Variants in ICA1 observed in about 807,000 individuals in gnomAD.
ICA1 encodes the protein 69 kDa islet cell autoantigen.
Under a neutral mutation model 71.0 loss-of-function variants are expected in ICA1, and 40 were observed. The observed-to-expected ratio is 0.56, with a 90% CI of 0.44 to 0.73. The LOEUF is 0.73. Ranked by LOEUF, ICA1 falls within the 30% of genes least tolerant of loss-of-function variation. ICA1 has a pLI of 0.00. For missense variants in ICA1, 578 were observed against 576.5 expected, an observed-to-expected ratio of 1.00 and a Z score of -0.03; for synonymous variants, 207 against 209.5, an observed-to-expected ratio of 0.99 and a Z score of 0.10.
At chr7:8,197,251 A>G (rs1478931885) in intron 6 of ICA1, among the ~76,000 whole-genome samples, 1 of 151,858 alleles carries the variant, frequency 6.6e-6, no homozygotes, top group Non-Finnish European at 1.5e-5. Context: ...ACCATTTGCC[A>G]ACCACATTAA....
Position 8,117,369 on chromosome 7 carries a change from G to C in ICA1, c.1331-3325C>G, listed in dbSNP as rs960947329. 1.1e-4 allele frequency among the ~76,000 whole-genome samples: 16 copies of C among 152,142 alleles called. No individual in the cohort carries two copies. The East Asian group carries it at 2.9e-3, about 27-fold the overall frequency. On this transcript the variant is annotated intron_variant, in intron 13 of 13. Coordinates refer to ENST00000402384, the MANE Select transcript of ICA1 (RefSeq NM_001136020.3). ...CCCCAGAATGGTTAAGAGGCATTCA[G>C]CACTCCTGTTTTAGGGACAGCAAAC...
At chr7:8,172,263 A>T (rs73233906) in intron 6 of ICA1, among the ~76,000 whole-genome samples, 6,179 of 152,102 alleles carry the variant, frequency 0.041, 404 homozygotes, top group African/African-American at 0.14. Flanking sequence ...TTCTATTATC[A>T]GTTGTAGACA....
intron 6 of ICA1, among the ~76,000 whole-genome samples, chr7:8,159,290 C>T (rs1312439572): frequency 2.0e-5 from 3 of 152,232 alleles, no homozygotes; most frequent in African/African-American, 7.2e-5. Context: ...AATCCTCCAT[C>T]GATCCTTAAA....
chr7:8,190,877 C>T (rs1392740293), intron 6 of ICA1, among the ~76,000 whole-genome samples: 1 of 152,184 alleles, frequency 6.6e-6, no homozygotes, highest in African/African-American at 2.4e-5. Flanking sequence ...AAGTTTGCTT[C>T]CATGAGCCTT....
chr7:8,252,806 C>A (rs748760787), intron 1 of ICA1, among the ~76,000 whole-genome samples: 2 of 151,188 alleles, frequency 1.3e-5, no homozygotes, highest in Admixed American at 6.6e-5. Context: ...TTATATTTTA[C>A]GTTGAAACAA....
At chr7:8,160,965 G>A (rs1803544394) in intron 6 of ICA1, among the ~76,000 whole-genome samples, 1 of 152,228 alleles carries the variant, frequency 6.6e-6, no homozygotes, top group African/African-American at 2.4e-5. Context: ...GATGTTCACT[G>A]TAGATCCCTG....
intron 6 of ICA1, among the ~76,000 whole-genome samples, chr7:8,168,700 G>A (rs1302579595): frequency 6.6e-6 from 1 of 152,096 alleles, no homozygotes; most frequent in South Asian, 2.1e-4. Flanking sequence ...GCTTCTCAAC[G>A]CAGTAGAAAG....
intron 6 of ICA1, among the ~76,000 whole-genome samples, chr7:8,207,380 T>C (rs1161612973): frequency 6.6e-6 from 1 of 152,208 alleles, no homozygotes; most frequent in African/African-American, 2.4e-5. Context: ...TGAACCCATG[T>C]AAAATTGGCC....
intron 12 of ICA1, 74 bp downstream of exon 12, chr7:8,138,766 C>T: frequency 2.5e-6 from 3 of 1,208,346 alleles, no homozygotes; most frequent in South Asian, 2.6e-5. Context: ...ATTAAGATTA[C>T]ACTTTCTTAC....
chr7:8,189,802 C>G (rs1785015602), intron 6 of ICA1, among the ~76,000 whole-genome samples: 1 of 152,034 alleles, frequency 6.6e-6, no homozygotes, highest in Non-Finnish European at 1.5e-5. Context: ...GGGCAGGGGG[C>G]CCAGGCAGCA....
At chr7:8,215,158 G>A (rs150742165) in intron 6 of ICA1, among the ~76,000 whole-genome samples, 79 of 151,966 alleles carry the variant, frequency 5.2e-4, no homozygotes, top group Middle Eastern at 3.4e-3. Context: ...CCACTACTCC[G>A]TCCCCTTAGA....
chr7:8,180,905 T>C (rs1782021143), intron 6 of ICA1, among the ~76,000 whole-genome samples: 1 of 151,850 alleles, frequency 6.6e-6, no homozygotes, highest in Admixed American at 6.6e-5. Context: ...TGGATACACA[T>C]GTAACAAATA....
rs778857189 is a variant in ICA1, at chr7:8,143,833, C to G, written c.902+42G>C. The G allele has an allele frequency of 2.3e-6, 3 of 1,291,420 alleles. No individual in the cohort carries two copies. In the East Asian group the frequency reaches 6.9e-5, roughly 30 times the overall value. 80.0% of individuals were successfully genotyped at this position (1,291,420 alleles called of 1,614,324 possible). A position where few individuals can be genotyped will look rare whatever the true frequency, so the allele number is the denominator to read the frequency against. The stretch of plus-strand genomic sequence containing the variant: ...TCAGCGAGAACCACATAACTCTCAC[C>G]TGTGGGAAGAAAGATGCAGAGGGAA... On this transcript the variant is annotated intron_variant, in intron 9 of 13. Transcript: ENST00000402384.
chr7:8,180,018 T>TTTG (rs1391535661), intron 6 of ICA1, among the ~76,000 whole-genome samples: 3 of 152,192 alleles, frequency 2.0e-5, no homozygotes, highest in Admixed American at 6.5e-5. Context: ...CTGCTTAGAT[T>TTTG]TTGTTGTTGT....
intron 6 of ICA1, among the ~76,000 whole-genome samples, chr7:8,161,674 G>C (rs1378402422): frequency 6.6e-6 from 1 of 152,182 alleles, no homozygotes; most frequent in Non-Finnish European, 1.5e-5. Context: ...GTGAGGAGGA[G>C]AGACCAGTTG....
chr7:8,245,011 A>T (rs1426269069), intron 1 of ICA1, among the ~76,000 whole-genome samples: 1 of 152,190 alleles, frequency 6.6e-6, no homozygotes, highest in Non-Finnish European at 1.5e-5. Context: ...GTGATTCCTC[A>T]AGGATCTAGA....
chr7:8,254,958 G>A (rs538015036), intron 1 of ICA1, among the ~76,000 whole-genome samples: 1 of 152,116 alleles, frequency 6.6e-6, no homozygotes, highest in Non-Finnish European at 1.5e-5. Context: ...CCATGGCCTT[G>A]GCACTGCGCT....
At chr7:8,169,031 C>T (rs1584838842) in intron 6 of ICA1, among the ~76,000 whole-genome samples, 1 of 152,202 alleles carries the variant, frequency 6.6e-6, no homozygotes, top group East Asian at 1.9e-4. Flanking sequence ...AGTCCCAGCT[C>T]CTGCCAACTA....
chr7:8,225,401 A>T lies in ICA1; in HGVS notation c.256+3200T>A, dbSNP rs143415851. Among the ~76,000 whole-genome samples, 1,401 of 152,288 alleles carry T rather than the reference A, an allele frequency of 9.2e-3. 16 individuals carry two copies. Among genetic ancestry groups the T allele is most frequent in the African/African-American group, 0.03 (1,256 of 41,548 alleles). On this transcript the variant is annotated intron_variant, in intron 4 of 13. Transcript: ENST00000402384. ...GTGCCAGCTTTGATCACAGGTTTGC[A>T]CCTGTGTCCTTTCAACATATCCTTT...
Sources: allele counts gnomAD v4.1 joint callset (sites outside exome capture counted in the v4.1 genomes callset), GRCh38; gene constraint gnomAD v4.1.1; transcripts MANE v1.5; gene names NCBI Gene and HGNC (gene_info 2026-07-23, HGNC 2026-07-21).